The following EPHA6 variants were observed in gnomAD, a reference collection of about 807,000 sequenced individuals.
The protein encoded by EPHA6 is EPH receptor A6, also known as ephrin type-A receptor 6.
In EPHA6, 50 loss-of-function variants were observed where a neutral mutation model predicts 112.0. That is an observed-to-expected ratio of 0.45 (90% CI 0.36 to 0.56). EPHA6 has a LOEUF of 0.56. Ranked by LOEUF, EPHA6 falls within the 20% of genes least tolerant of loss-of-function variation. The pLI is 0.00. For synonymous variants in EPHA6, 529 were observed against 490.7 expected (o/e 1.08, Z -1.03); for missense variants, 1,280 against 1,417.4 (o/e 0.90, Z 1.56).
At chr3:97,259,979 T>G (rs542669672) in intron 5 of EPHA6, among the ~76,000 whole-genome samples, 5 of 152,110 alleles carry the variant, frequency 3.3e-5, no homozygotes, top group Admixed American at 2.6e-4. Flanking sequence ...TTTTGTATTT[T>G]CAGTAGAGAC....
In EPHA6 at chr3:97,749,757, C is replaced by A. The variant is rs1476235995; in HGVS notation, c.*1056C>A. ...ATACATGGTGGCCCAAGAAAATAAA[C>A]AGACTTAGCTGATCATTTGGTATTG... On this transcript the variant is annotated 3_prime_UTR_variant, in exon 18 of 18. Transcript: ENST00000389672. 6.6e-6 allele frequency among the ~76,000 whole-genome samples: 1 copy of A among 152,108 alleles called. No homozygotes were observed. The highest frequency in any genetic ancestry group is 1.5e-5 in the Non-Finnish European group (1 of 67,988).
intron 3 of EPHA6, among the ~76,000 whole-genome samples, chr3:97,152,093 C>T (rs1199265252): frequency 1.3e-5 from 2 of 151,684 alleles, no homozygotes; most frequent in African/African-American, 4.8e-5. Flanking sequence ...ACATAAGTAA[C>T]CTTTAAAATT....
At chr3:97,609,029 G>T (rs529007944) in intron 12 of EPHA6, among the ~76,000 whole-genome samples, 1 of 151,456 alleles carries the variant, frequency 6.6e-6, no homozygotes, top group East Asian at 1.9e-4. Context: ...TGGAATGCTT[G>T]CAAGCTCTTT....
chr3:96,955,785 C>A (rs1457164652), intron 2 of EPHA6, among the ~76,000 whole-genome samples: 2 of 152,100 alleles, frequency 1.3e-5, no homozygotes, highest in African/African-American at 2.4e-5. Flanking sequence ...TATTTCCTAC[C>A]TTCTAACACA....
intron 5 of EPHA6, among the ~76,000 whole-genome samples, chr3:97,397,656 G>C (rs1462633473): frequency 6.6e-6 from 1 of 151,514 alleles, no homozygotes; most frequent in African/African-American, 2.4e-5. Context: ...GTTATATGAA[G>C]CAGTTTTCTT....
At chr3:97,674,788 C>T (rs1406878143) in intron 14 of EPHA6, among the ~76,000 whole-genome samples, 2 of 152,220 alleles carry the variant, frequency 1.3e-5, no homozygotes, top group African/African-American at 4.8e-5. Flanking sequence ...TCTCTGAAAT[C>T]ACAACTTTGT....
At chr3:96,868,793 A>T (rs558675698) in intron 2 of EPHA6, among the ~76,000 whole-genome samples, 1 of 152,120 alleles carries the variant, frequency 6.6e-6, no homozygotes, top group South Asian at 2.1e-4. Context: ...ACATTTTTGA[A>T]ATTGTATAAT....
intron 3 of EPHA6, chr3:97,010,144 T>A: frequency 8.3e-7 from 1 of 1,210,746 alleles, no homozygotes; most frequent in Non-Finnish European, 1.1e-6. Context: ...ATTTGTTTTG[T>A]TTTTATTTTG....
chr3:97,363,852 A>G (rs987948764), intron 5 of EPHA6, among the ~76,000 whole-genome samples: 15 of 152,168 alleles, frequency 9.9e-5, no homozygotes, highest in African/African-American at 3.4e-4. Context: ...TACACATGCT[A>G]TAACATAGAT....
chr3:96,865,315 G>A lies in EPHA6; in HGVS notation c.386-1510G>A, dbSNP rs570118004. On this transcript the variant is annotated intron_variant, in intron 1 of 17. Transcript: ENST00000389672. ...AGTGGTTCACCTAAGTAAAACCTCAGAATCTTTAGAGTAGACACCAAACAG... is the reference window on the plus strand; with the variant it reads ...AGTGGTTCACCTAAGTAAAACCTCAAAATCTTTAGAGTAGACACCAAACAG... Among the ~76,000 whole-genome samples, 4 of 152,092 alleles carry A rather than the reference G, an allele frequency of 2.6e-5. No individual in the cohort carries two copies. The East Asian group carries it at 7.7e-4, about 29-fold the overall frequency.
In EPHA6 at chr3:96,814,951, T is replaced by A. The variant is rs2032640593; in HGVS notation, c.328T>A (p.Phe110Ile). The change falls in exon 1 of 18, where the codon TTC (phenylalanine) becomes ATC (isoleucine). Residue 110 changes from phenylalanine (F) to isoleucine (I), a missense_variant. By Grantham distance (21) the Phe-to-Ile change is conservative. This residue lies in a region of EPHA6 where 220 missense variants were observed against 171.5 expected (regional missense o/e 1.28). Coordinates refer to ENST00000389672, the MANE Select transcript of EPHA6 (RefSeq NM_001080448.3). ...VREFLLQFGF[F>I]LPLLTAWPGD... ...GGAATTTCTTTTGCAATTTGGTTTC[T>A]TCTTGCCTCTGCTGACAGCGTGGCC... 4 of 1,549,918 alleles carry A rather than the reference T, an allele frequency of 2.6e-6. No homozygotes were observed. The highest frequency in any genetic ancestry group is 3.5e-6 in the Non-Finnish European group (4 of 1,145,732).
intron 5 of EPHA6, among the ~76,000 whole-genome samples, chr3:97,246,979 G>A (rs1371319348): frequency 6.6e-6 from 1 of 151,920 alleles, no homozygotes; most frequent in Non-Finnish European, 1.5e-5. Flanking sequence ...CAAACTGAAT[G>A]TTTCAGAACA....
chr3:97,233,195 C>G (rs1442226436), intron 4 of EPHA6, among the ~76,000 whole-genome samples: 1 of 151,952 alleles, frequency 6.6e-6, no homozygotes, highest in Admixed American at 6.6e-5. Context: ...GGTGGAGGGC[C>G]CTCTCCTGCC....
intron 3 of EPHA6, among the ~76,000 whole-genome samples, chr3:97,213,994 G>C (rs2077954349): frequency 7.7e-6 from 1 of 129,114 alleles, no homozygotes; most frequent in Non-Finnish European, 1.5e-5. Flanking sequence ...AATCTCATGT[G>C]TTCTGTGTGT....
intron 1 of EPHA6, among the ~76,000 whole-genome samples, chr3:96,852,002 A>G (rs62262940): frequency 0.031 from 4,723 of 151,908 alleles, 105 homozygotes; most frequent in Middle Eastern, 0.068. Flanking sequence ...TACAGTACAT[A>G]TTTGCAAATT....
chr3:97,336,312 A>G (rs535386835), intron 5 of EPHA6, among the ~76,000 whole-genome samples: 1 of 152,184 alleles, frequency 6.6e-6, no homozygotes, highest in Non-Finnish European at 1.5e-5. Flanking sequence ...GAGGTTAGAA[A>G]AAAGATATGG....
At chr3:97,107,020 A>G (rs1041578150) in intron 3 of EPHA6, among the ~76,000 whole-genome samples, 1 of 152,120 alleles carries the variant, frequency 6.6e-6, no homozygotes, top group African/African-American at 2.4e-5. Flanking sequence ...CCATTCTTGT[A>G]TCTTCCAATC....
chr3:96,930,992 C>CAAAAAAAAAAAAAAAAA (rs754917681), intron 2 of EPHA6, among the ~76,000 whole-genome samples: 2 of 34,762 alleles, frequency 5.8e-5, no homozygotes, highest in African/African-American at 1.5e-4. Context: ...ACTCTGTCTC[C>CAAAAAAAAAAAAAAAAA]AAAAAAAAAA....
rs1295531013 is a variant in EPHA6 at position 96,920,266 on chromosome 3, TA to T, written c.450+53379del. Among the ~76,000 whole-genome samples the T allele has an allele frequency of 1.4e-3, 219 of 151,960 alleles. 1 individual carries two copies. Among genetic ancestry groups the T allele is most frequent in the Non-Finnish European group, 2.5e-4 (17 of 67,822 alleles). ...AATTTAAACTTAAGTAAGATCAAAT[TA>T]ATTGATAGAAAAAGGGACTATTTAT... is the stretch of plus-strand genomic sequence containing the variant. On this transcript the variant is annotated intron_variant, in intron 2 of 17. Transcript: ENST00000389672.
Sources: allele counts gnomAD v4.1 joint callset (sites outside exome capture counted in the v4.1 genomes callset), GRCh38; gene constraint gnomAD v4.1.1; regional missense constraint gnomAD v4.1.1; transcripts MANE v1.5; gene names NCBI Gene and HGNC (gene_info 2026-07-23, HGNC 2026-07-21).